SLC24A3: variants seen among roughly 807,000 people sequenced by gnomAD.
SLC24A3 encodes the protein solute carrier family 24 member 3.
SLC24A3 carries 28 observed loss-of-function variants against 75.8 expected under a neutral mutation model. That is an observed-to-expected ratio of 0.37 (90% CI 0.27 to 0.51). SLC24A3 has a LOEUF of 0.51. SLC24A3 is among the 20% of genes least tolerant of loss of function. SLC24A3 has a pLI of 0.94. For missense variants in SLC24A3, 663 were observed against 847.8 expected (o/e 0.78, Z 2.71); for synonymous variants, 372 against 334.1 (o/e 1.11, Z -1.24).
intron 6 of SLC24A3, among the ~76,000 whole-genome samples, chr20:19,649,129 C>T (rs968489591): frequency 6.6e-6 from 1 of 152,236 alleles, no homozygotes; most frequent in Non-Finnish European, 1.5e-5. Context: ...CATCAACCTA[C>T]TGTGGCTTGG....
intron 2 of SLC24A3, among the ~76,000 whole-genome samples, chr20:19,435,430 A>T (rs1987181559): frequency 6.6e-6 from 1 of 152,248 alleles, no homozygotes; most frequent in Admixed American, 6.5e-5. Flanking sequence ...CTTATAGTCT[A>T]TACCATAGCA....
intron 12 of SLC24A3, among the ~76,000 whole-genome samples, chr20:19,691,221 G>A (rs925263656): frequency 6.6e-6 from 1 of 152,234 alleles, no homozygotes; most frequent in East Asian, 1.9e-4. Context: ...GTGAGATGAT[G>A]AGAGTTATAT....
intron 6 of SLC24A3, among the ~76,000 whole-genome samples, chr20:19,634,462 GT>G (rs1297541920): frequency 3.3e-5 from 5 of 152,060 alleles, no homozygotes; most frequent in Non-Finnish European, 7.4e-5. Context: ...CAAAAGGCTT[GT>G]CCCAAAATGT....
chr20:19,674,313 A>G (rs564049811), intron 9 of SLC24A3, among the ~76,000 whole-genome samples: 1 of 152,332 alleles, frequency 6.6e-6, no homozygotes, highest in South Asian at 2.1e-4. Context: ...TATCTCACAC[A>G]TTGTCTGAGA....
intron 1 of SLC24A3, among the ~76,000 whole-genome samples, chr20:19,227,164 AT>A (rs1448969322): frequency 6.6e-6 from 1 of 152,214 alleles, no homozygotes. Flanking sequence ...ATTCAATTTG[AT>A]TGTAGAAAGA....
intron 1 of SLC24A3, among the ~76,000 whole-genome samples, chr20:19,271,785 A>G (rs987477254): frequency 6.6e-6 from 1 of 152,056 alleles, no homozygotes; most frequent in Admixed American, 6.5e-5. Context: ...GAGCTAAGCT[A>G]TGAGGGTGCA....
chr20:19,615,024 C>T (rs1033959534), intron 6 of SLC24A3, among the ~76,000 whole-genome samples: 9 of 151,618 alleles, frequency 5.9e-5, no homozygotes, highest in Admixed American at 4.6e-4. Flanking sequence ...ATTTTACAGA[C>T]TATGTGGTCT....
intron 2 of SLC24A3, among the ~76,000 whole-genome samples, chr20:19,405,433 G>C (rs1028033884): frequency 2.6e-5 from 4 of 152,162 alleles, no homozygotes; most frequent in African/African-American, 9.7e-5. Context: ...CAAAATGTTG[G>C]TGCGCCTTCT....
At chr20:19,618,587 T>C (rs2031766982) in intron 6 of SLC24A3, among the ~76,000 whole-genome samples, 1 of 152,178 alleles carries the variant, frequency 6.6e-6, no homozygotes, top group African/African-American at 2.4e-5. Context: ...ATATGAATGT[T>C]GGGGGAGAGA....
chr20:19,664,100 T>C (rs1031755318), intron 7 of SLC24A3, among the ~76,000 whole-genome samples: 3 of 152,204 alleles, frequency 2.0e-5, no homozygotes, highest in African/African-American at 7.2e-5. Context: ...TATCTTCTGT[T>C]CTCTTAAGTG....
At chr20:19,607,286 G>A (rs2031609585) in intron 6 of SLC24A3, among the ~76,000 whole-genome samples, 4 of 151,834 alleles carry the variant, frequency 2.6e-5, no homozygotes, top group Admixed American at 2.0e-4. Flanking sequence ...ACCCCAAATG[G>A]TAGCATTCCT....
chr20:19,574,487 A>G (rs1379636727), intron 3 of SLC24A3, among the ~76,000 whole-genome samples: 1 of 152,202 alleles, frequency 6.6e-6, no homozygotes, highest in African/African-American at 2.4e-5. Context: ...GTTGAACTTG[A>G]ACTGGGCTGG....
At chr20:19,256,218 A>T (rs142449220) in intron 1 of SLC24A3, among the ~76,000 whole-genome samples, 1 of 152,210 alleles carries the variant, frequency 6.6e-6, no homozygotes, top group Non-Finnish European at 1.5e-5. Context: ...TGATGAATTC[A>T]TAAGCAATTC....
At chr20:19,691,633 G>A (rs1292946481) in intron 12 of SLC24A3, among the ~76,000 whole-genome samples, 1 of 152,150 alleles carries the variant, frequency 6.6e-6, no homozygotes, top group East Asian at 1.9e-4. Context: ...TGGTGAACCT[G>A]GCCCCAGCGG....
chr20:19,696,108 C>T (rs1241927385), intron 13 of SLC24A3, among the ~76,000 whole-genome samples: 2 of 148,204 alleles, frequency 1.3e-5, no homozygotes, highest in Non-Finnish European at 3.0e-5. Flanking sequence ...GCCTGAACCT[C>T]CTGGGCTCAA....
Position 19,698,638 on chromosome 20 carries a change from C to T in SLC24A3, c.1677C>T (p.Leu559=), listed in dbSNP as rs1397423421. The change falls in exon 15 of 17, where the codon CTC becomes CTT. Residue 559 remains leucine, a synonymous_variant. Coordinates refer to ENST00000328041, the MANE Select transcript of SLC24A3 (RefSeq NM_020689.4). ...NVFDILIGLG[L]PWALQTLAVD... is the part of the protein sequence containing the mutation. The stretch of plus-strand genomic sequence containing the variant: ...TTGACATCCTGATTGGCCTCGGTCT[C>T]CCCTGGGCTCTGCAGACCCTGGCTG... The T allele has an allele frequency of 1.9e-6, 3 of 1,593,292 alleles. No individual in the cohort carries two copies. The highest frequency in any genetic ancestry group is 2.6e-6 in the Non-Finnish European group (3 of 1,167,888).
In SLC24A3 at chr20:19,614,009, C is replaced by T. The variant is rs116789472; in HGVS notation, c.612+28465C>T. The stretch of plus-strand genomic sequence containing the variant: ...CCTTTTAAATCTTGATTCTCTTATG[C>T]GGGGGCTGGCTCTGCCTCCCAGTTG... On this transcript the variant is annotated intron_variant, in intron 6 of 16. Transcript: ENST00000328041. Among the ~76,000 whole-genome samples the T allele has an allele frequency of 8.4e-3, 1,277 of 152,254 alleles. 8 individuals carry two copies. The highest frequency in any genetic ancestry group is 0.031 in the Middle Eastern group (9 of 294).
chr20:19,703,624 C>A (rs1403162151), intron 15 of SLC24A3, among the ~76,000 whole-genome samples: 1 of 152,112 alleles, frequency 6.6e-6, no homozygotes, highest in Non-Finnish European at 1.5e-5. Context: ...CTAGGATAAG[C>A]ATCAAGTGTA....
chr20:19,309,111 C>T (rs6112307), intron 2 of SLC24A3, among the ~76,000 whole-genome samples: 43,886 of 152,056 alleles, frequency 0.29, 7,059 homozygotes, highest in Middle Eastern at 0.51. Context: ...GTCACTTCCA[C>T]TACTTCCTAG....
Sources: gnomAD v4.1 joint callset for allele counts (sites outside exome capture counted in the v4.1 genomes callset) on GRCh38, gnomAD v4.1.1 for gene constraint, MANE v1.5 for transcripts, NCBI Gene and HGNC (gene_info 2026-07-23, HGNC 2026-07-21) for gene names.